SCGB2B2: variants seen among roughly 807,000 people sequenced by gnomAD.
SCGB2B2 encodes the protein secretoglobin-like protein.
SCGB2B2 carries 11 observed loss-of-function variants against 7.6 expected under a neutral mutation model. The ratio of observed to expected loss-of-function variants is 1.45; its 90% CI spans 0.91 to 2.40. SCGB2B2 has a LOEUF of 2.40. Ranked by LOEUF, SCGB2B2 falls within the 30% of genes most tolerant of loss-of-function variation. The pLI is 0.00. For synonymous variants in SCGB2B2, 50 were observed against 48.6 expected (o/e 1.03, Z -0.12); for missense variants, 104 against 115.4 (o/e 0.90, Z 0.45).
rs2067980369 is a variant in SCGB2B2, at chr19:34,677,041, T to C, written c.-3443A>G. ...GCGTAACGCACGTCAGAACGGCCATTAGTGTCACAGATACGTGTCCCCTTG... is the reference window on the plus strand; with the variant it reads ...GCGTAACGCACGTCAGAACGGCCATCAGTGTCACAGATACGTGTCCCCTTG... On this transcript the variant is annotated 5_prime_UTR_variant, in exon 1 of 4. Coordinates refer to ENST00000601241, the MANE Select transcript of SCGB2B2 (RefSeq NM_001025591.4). 6.6e-6 allele frequency: 1 copy of C among 151,834 alleles called. No homozygotes were observed. Among genetic ancestry groups the C allele is most frequent in the Non-Finnish European group, 1.5e-5 (1 of 67,994 alleles). The allele number at this position is 151,834 out of a possible 1,614,324, so 9.4% of individuals were successfully genotyped here.
chr19:34,605,769 T>G (rs941609578), intron 1 of SCGB2B2, among the ~76,000 whole-genome samples: 1 of 152,038 alleles, frequency 6.6e-6, no homozygotes, highest in Non-Finnish European at 1.5e-5. Context: ...TTTTTGTATT[T>G]TTTTAGTAGA....
intron 1 of SCGB2B2, among the ~76,000 whole-genome samples, chr19:34,646,991 C>T (rs1201509977): frequency 6.6e-6 from 1 of 151,914 alleles, no homozygotes; most frequent in Non-Finnish European, 1.5e-5. Flanking sequence ...TCCTCCTTCT[C>T]TCTACCCCCA....
At chr19:34,656,077 A>G (rs2067273561) in intron 1 of SCGB2B2, among the ~76,000 whole-genome samples, 1 of 151,318 alleles carries the variant, frequency 6.6e-6, no homozygotes, top group Non-Finnish European at 1.5e-5. Context: ...CCAACCACTC[A>G]AGGACATAGA....
At chr19:34,639,440 T>G (rs986325096) in intron 1 of SCGB2B2, among the ~76,000 whole-genome samples, 5 of 152,336 alleles carry the variant, frequency 3.3e-5, no homozygotes, top group Admixed American at 3.3e-4. Context: ...AGATGTATTA[T>G]GCTTCCAGGC....
At chr19:34,602,399 C>G (rs543174992) in intron 1 of SCGB2B2, among the ~76,000 whole-genome samples, 19 of 152,194 alleles carry the variant, frequency 1.2e-4, no homozygotes, top group Non-Finnish European at 4.4e-5. Context: ...ATTTTGGTGT[C>G]AGGATTATAC....
intron 1 of SCGB2B2, among the ~76,000 whole-genome samples, chr19:34,665,131 C>T (rs1262406707): frequency 5.3e-5 from 8 of 152,206 alleles, no homozygotes. Flanking sequence ...TGCTGTCCTC[C>T]CTCTGAAATG....
At chr19:34,632,766 T>A (rs2066569893) in intron 1 of SCGB2B2, 1 of 152,252 alleles carries the variant, frequency 6.6e-6, no homozygotes, top group Non-Finnish European at 1.5e-5. Flanking sequence ...TATGGTGACA[T>A]CTTTAAAAGT....
chr19:34,658,813 C>CAAAAAAAAAAAAAAA (rs138363297), intron 1 of SCGB2B2, among the ~76,000 whole-genome samples: 3 of 102,000 alleles, frequency 2.9e-5, no homozygotes, highest in East Asian at 3.5e-4. Context: ...ACAACAACAA[C>CAAAAAAAAAAAAAAA]AAAAAAAAAA....
At chr19:34,653,679 A>C (rs2067216789) in intron 1 of SCGB2B2, among the ~76,000 whole-genome samples, 1 of 151,266 alleles carries the variant, frequency 6.6e-6, no homozygotes, top group South Asian at 2.1e-4. Context: ...CCAATGAATC[A>C]ATATGACATT....
Position 34,641,381 on chromosome 19 carries a change from T to C in SCGB2B2, c.-2032+34249A>G, listed in dbSNP as rs1480934308. 3.3e-5 allele frequency among the ~76,000 whole-genome samples: 5 copies of C among 152,334 alleles called. No individual in the cohort carries two copies. The South Asian group carries it at 8.3e-4, about 25-fold the overall frequency. On this transcript the variant is annotated intron_variant, in intron 1 of 3. Coordinates refer to ENST00000601241, the MANE Select transcript of SCGB2B2 (RefSeq NM_001025591.4). ...ACATCATGACTTGTGAATTCCGTGC[T>C]GAGGCCAAGTAAGTCTAATACAATG...
intron 1 of SCGB2B2, among the ~76,000 whole-genome samples, chr19:34,607,665 T>C (rs2065818809): frequency 6.6e-6 from 1 of 152,216 alleles, no homozygotes; most frequent in South Asian, 2.1e-4. Context: ...AGGTGGTATG[T>C]TGTGGTTTTG....
At position 34,615,421 on chromosome 19, in the gene SCGB2B2, G is replaced by C. The variant is rs141009859; in HGVS notation, c.-2031-18827C>G. On this transcript the variant is annotated intron_variant, in intron 1 of 3. Coordinates refer to ENST00000601241, the MANE Select transcript of SCGB2B2 (RefSeq NM_001025591.4). ...CTCAGCTGATCATGTGTAGGGGATG[G>C]GACAGTGGAGGTCCAGCATTTTTTT... Among the ~76,000 whole-genome samples the C allele has an allele frequency of 1.6e-3, 246 of 149,888 alleles. 2 individuals carry two copies. The highest frequency in any genetic ancestry group is 5.5e-3 in the African/African-American group (227 of 41,022).
intron 1 of SCGB2B2, among the ~76,000 whole-genome samples, chr19:34,637,959 A>G (rs1340803674): frequency 1.3e-5 from 2 of 152,236 alleles, no homozygotes; most frequent in Non-Finnish European, 2.9e-5. Context: ...TTAAAAAGTC[A>G]TTAGAAAGTT....
chr19:34,666,859 C>T (rs766926133), intron 1 of SCGB2B2, among the ~76,000 whole-genome samples: 11 of 152,036 alleles, frequency 7.2e-5, no homozygotes, highest in Middle Eastern at 3.4e-3. Context: ...TCCCTGCTCA[C>T]GTGCTCCTAC....
At position 34,636,200 on chromosome 19, in the gene SCGB2B2, G is replaced by A. The variant is rs374474184; in HGVS notation, c.-2032+39430C>T. 7.9e-5 allele frequency among the ~76,000 whole-genome samples: 12 copies of A among 152,318 alleles called. No individual in the cohort carries two copies. In the East Asian group the frequency reaches 2.3e-3, roughly 29 times the overall value. The stretch of plus-strand genomic sequence containing the variant: ...TACTGGGTTCATTGCAAGACTCCTG[G>A]TCTAGGACTGACTTTCGTGGGAGAG... On this transcript the variant is annotated intron_variant, in intron 1 of 3. Coordinates refer to ENST00000601241, the MANE Select transcript of SCGB2B2 (RefSeq NM_001025591.4).
chr19:34,637,440 G>A (rs1428569204), intron 1 of SCGB2B2, among the ~76,000 whole-genome samples: 1 of 152,172 alleles, frequency 6.6e-6, no homozygotes, highest in South Asian at 2.1e-4. Context: ...GAAGCAAAGA[G>A]CCCAGCCTGG....
intron 1 of SCGB2B2, among the ~76,000 whole-genome samples, chr19:34,615,721 C>A (rs1360818075): frequency 1.3e-5 from 2 of 152,080 alleles, no homozygotes; most frequent in Non-Finnish European, 2.9e-5. Context: ...ATTCTCTCTA[C>A]TTCTATTTTT....
chr19:34,665,783 C>T (rs2067600405), intron 1 of SCGB2B2, among the ~76,000 whole-genome samples: 1 of 152,068 alleles, frequency 6.6e-6, no homozygotes, highest in Non-Finnish European at 1.5e-5. Flanking sequence ...AGGTCAGAGC[C>T]ACAGGCCCAG....
chr19:34,645,881 C>G (rs1243054953), intron 1 of SCGB2B2: 2 of 247,570 alleles, frequency 8.1e-6, no homozygotes, highest in East Asian at 2.5e-4. Context: ...CCTCATCCAC[C>G]ACAGGGGATG....
Sources: allele counts gnomAD v4.1 joint callset (sites outside exome capture counted in the v4.1 genomes callset), GRCh38; gene constraint gnomAD v4.1.1; transcripts MANE v1.5; gene names NCBI Gene and HGNC (gene_info 2026-07-23, HGNC 2026-07-21).